PXK: variants seen among roughly 807,000 people sequenced by gnomAD.
PXK encodes PX domain-containing protein kinase-like protein.
Under a neutral mutation model 84.7 loss-of-function variants are expected in PXK, and 35 were observed. That is an observed-to-expected ratio of 0.41 (90% CI 0.32 to 0.55). The LOEUF is 0.55. Ranked by LOEUF, PXK falls within the 20% of genes least tolerant of loss-of-function variation. PXK has a pLI of 0.21. For missense variants in PXK, 634 were observed against 699.7 expected, an observed-to-expected ratio of 0.91 and a Z score of 1.06; for synonymous variants, 253 against 260.8, an observed-to-expected ratio of 0.97 and a Z score of 0.29.
rs1369514060 is a variant in PXK at position 58,412,871 on chromosome 3, C to G, written c.1466-30C>G. 6.2e-7 allele frequency: 1 copy of G among 1,612,748 alleles called. No individual in the cohort carries two copies. Among genetic ancestry groups the G allele is most frequent in the East Asian group, 2.2e-5 (1 of 44,892 alleles). On this transcript the variant is annotated intron_variant, in intron 16 of 17. Transcript: ENST00000356151. This position sits in a 1 kb window ranked among gnomAD's most constrained non-coding sequence, Gnocchi z 6.2. ...AATTCCAAATGTCTTTCGTTGGTCCCCATGAGGGTTTCTCTGTGTTTTATC... is the reference window on the plus strand; with the variant it reads ...AATTCCAAATGTCTTTCGTTGGTCCGCATGAGGGTTTCTCTGTGTTTTATC...
chr3:58,359,938 AGGAGTTC>A (rs1385280352), intron 1 of PXK, among the ~76,000 whole-genome samples: 5 of 152,204 alleles, frequency 3.3e-5, no homozygotes, highest in African/African-American at 1.2e-4. Context: ...GCTGGAGGCC[AGGAGTTC>A]GAGACCAGCC....
chr3:58,393,852 A>C (rs1437050777), intron 7 of PXK, among the ~76,000 whole-genome samples: 1 of 152,174 alleles, frequency 6.6e-6, no homozygotes. Flanking sequence ...ATTAGTTGGC[A>C]TTCTACTCTA....
chr3:58,407,105 C>T lies in PXK; in HGVS notation c.1231-1819C>T, dbSNP rs111997412. Among the ~76,000 whole-genome samples the T allele has an allele frequency of 6.6e-6, 1 of 152,090 alleles. No individual in the cohort carries two copies. The highest frequency in any genetic ancestry group is 2.4e-5 in the African/African-American group (1 of 41,394). ...AAGTGGAATTCCTCATATGGTAGTT[C>T]CATTTTGTAGTTTTTTGAGTCACCT... On this transcript the variant is annotated intron_variant, in intron 13 of 17. Transcript: ENST00000356151. This position sits in a 1 kb window ranked among gnomAD's most constrained non-coding sequence, Gnocchi z 4.3.
Position 58,401,050 on chromosome 3 carries a change from T to TTAC in PXK, c.1181+1674_1181+1676dup, listed in dbSNP as rs2058490967. Among the ~76,000 whole-genome samples, 1 of 152,252 alleles carries TTAC rather than the reference T, an allele frequency of 6.6e-6. No homozygotes were observed. The highest frequency in any genetic ancestry group is 6.5e-5 in the Admixed American group (1 of 15,282). On this transcript the variant is annotated intron_variant, in intron 12 of 17. Transcript: ENST00000356151. This position sits in a 1 kb window ranked among gnomAD's most constrained non-coding sequence, Gnocchi z 4.4. Reference sequence around the variant, plus strand: ...CAGGTTGATTTACTTGAGTTTGCATTTACACTCCCCATTCCAAAGCTCTTA... The same window carrying TTAC: ...CAGGTTGATTTACTTGAGTTTGCATTTACTACACTCCCCATTCCAAAGCTCTTA...
In PXK at chr3:58,398,660, C is replaced by T. The variant is rs2058099127; in HGVS notation, c.1103-639C>T. ...TTCATCCCCTCCACAGCCAGGCTGG[C>T]ACCCACAGCTGGAGCAGAGAGAGGG... On this transcript the variant is annotated intron_variant, in intron 11 of 17. Coordinates refer to ENST00000356151, the MANE Select transcript of PXK (RefSeq NM_017771.5). This position sits in a 1 kb window ranked among gnomAD's most constrained non-coding sequence, Gnocchi z 4.5. Among the ~76,000 whole-genome samples, 1 of 152,172 alleles carries T rather than the reference C, an allele frequency of 6.6e-6. No homozygotes were observed. Among genetic ancestry groups the T allele is most frequent in the African/African-American group, 2.4e-5 (1 of 41,448 alleles).
Position 58,397,602 on chromosome 3 carries a change from C to T in PXK, c.985-3C>T, listed in dbSNP as rs753563739. On this transcript the variant is annotated splice_region_variant and splice_polypyrimidine_tract_variant and intron_variant, in intron 10 of 17. Coordinates refer to ENST00000356151, the MANE Select transcript of PXK (RefSeq NM_017771.5). This position sits in a 1 kb window ranked among gnomAD's most constrained non-coding sequence, Gnocchi z 4.7. ...GAACACGCTGCTACTCTTTCTTCCA[C>T]AGACATTGGAAAGTGTGGATGTCCA... 21 of 1,609,210 alleles carry T rather than the reference C, an allele frequency of 1.3e-5. No individual in the cohort carries two copies. The South Asian group carries it at 2.3e-4, about 18-fold the overall frequency.
intron 1 of PXK, among the ~76,000 whole-genome samples, chr3:58,354,700 G>A (rs1038458326): frequency 6.6e-6 from 1 of 151,146 alleles, no homozygotes; most frequent in African/African-American, 2.4e-5. Flanking sequence ...CGCCCACCTC[G>A]GCCTCCCAAA....
chr3:58,357,227 C>T lies in PXK; in HGVS notation c.103-8647C>T, dbSNP rs550960871. ...CTGGGAGGCAGAGGTTGCAGTGAGC[C>T]GAGATTGTGCGACTGCACTCCAGCC... On this transcript the variant is annotated intron_variant, in intron 1 of 17. Transcript: ENST00000356151. Among the ~76,000 whole-genome samples the T allele has an allele frequency of 5.6e-4, 84 of 151,310 alleles. 1 individual carries two copies. The highest frequency in any genetic ancestry group is 1.7e-3 in the Admixed American group (26 of 15,202).
rs1407811459 is a variant in PXK at position 58,377,617 on chromosome 3, AAAAG to A, written c.202-4893_202-4890del. 1.1e-3 allele frequency among the ~76,000 whole-genome samples: 88 copies of A among 79,126 alleles called. 1 individual carries two copies. The highest frequency in any genetic ancestry group is 1.8e-3 in the African/African-American group (48 of 26,490). The allele number at this position is 79,126 out of a possible 152,430, so 51.9% of individuals were successfully genotyped here. On this transcript the variant is annotated intron_variant, in intron 3 of 17. Coordinates refer to ENST00000356151, the MANE Select transcript of PXK (RefSeq NM_017771.5). ...CCCTATCTCTTTCTAAAAAAAAAAA[AAAAG>A]AAAAGAAAGAAAAGACTAAAAGTTT...
At chr3:58,345,149 A>G (rs1422369617) in intron 1 of PXK, among the ~76,000 whole-genome samples, 1 of 152,166 alleles carries the variant, frequency 6.6e-6, no homozygotes. Flanking sequence ...GCAAAGTACT[A>G]AAGGGCCCCT....
In PXK at chr3:58,399,237, A is replaced by G. The variant is rs1439610014; in HGVS notation, c.1103-62A>G. On this transcript the variant is annotated intron_variant, in intron 11 of 17. Transcript: ENST00000356151. The surrounding 1 kb of genome is among the most constrained non-coding windows in gnomAD (Gnocchi z 4.3). ...ATTGCAAAGTGGTGTTAAACTTTTC[A>G]TCAGCAAGTGGATTTGCCAGCGTGT... 5 of 1,466,834 alleles carry G rather than the reference A, an allele frequency of 3.4e-6. No individual in the cohort carries two copies. The African/African-American group carries it at 5.6e-5, about 16-fold the overall frequency. 90.9% of individuals were successfully genotyped at this position (1,466,834 alleles called of 1,614,324 possible).
At chr3:58,393,588 T>A (rs1189744557) in intron 7 of PXK, among the ~76,000 whole-genome samples, 1 of 152,186 alleles carries the variant, frequency 6.6e-6, no homozygotes, top group Non-Finnish European at 1.5e-5. Flanking sequence ...ATACCTTAGT[T>A]TACTCAATCT....
chr3:58,381,111 T>A (rs1320873918), intron 3 of PXK, among the ~76,000 whole-genome samples: 1 of 151,518 alleles, frequency 6.6e-6, no homozygotes, highest in Non-Finnish European at 1.5e-5. Flanking sequence ...TAGCTGGGCA[T>A]TGTGGCTGGC....
At chr3:58,356,405 T>C (rs2098081034) in intron 1 of PXK, among the ~76,000 whole-genome samples, 1 of 152,132 alleles carries the variant, frequency 6.6e-6, no homozygotes, top group Non-Finnish European at 1.5e-5. Flanking sequence ...TTCTCTTTTA[T>C]GTACTCTGTC....
rs1398900989 is a variant in PXK, at chr3:58,365,769, C to A, written c.103-105C>A. 3.4e-6 allele frequency: 3 copies of A among 889,220 alleles called. No individual in the cohort carries two copies. In the African/African-American group the frequency reaches 5.3e-5, roughly 16 times the overall value. 55.1% of individuals were successfully genotyped at this position (889,220 alleles called of 1,614,324 possible). A position where few individuals can be genotyped will look rare whatever the true frequency, so the allele number is the denominator to read the frequency against. On this transcript the variant is annotated intron_variant, in intron 1 of 17. Coordinates refer to ENST00000356151, the MANE Select transcript of PXK (RefSeq NM_017771.5). ...TCTGTCTCTGGTAAATTTCCTTGCT[C>A]TGAAGTCTACTTTATCTGATTTTTT...
chr3:58,414,709 C>T lies in PXK; in HGVS notation c.1528+1746C>T, dbSNP rs2107662844. 6.6e-6 allele frequency among the ~76,000 whole-genome samples: 1 copy of T among 152,212 alleles called. No homozygotes were observed. The highest frequency in any genetic ancestry group is 1.5e-5 in the Non-Finnish European group (1 of 68,010). ...GAGTGCCTGGCAGAGATGAGAGGTT[C>T]CCAGCAAATATTGGCTCCTCCTTTC... On this transcript the variant is annotated intron_variant, in intron 17 of 17. Transcript: ENST00000356151. The surrounding 1 kb of genome is among the most constrained non-coding windows in gnomAD (Gnocchi z 4.5).
chr3:58,371,897 G>A (rs950308813), intron 3 of PXK, among the ~76,000 whole-genome samples: 2 of 152,092 alleles, frequency 1.3e-5, no homozygotes, highest in Non-Finnish European at 2.9e-5. Context: ...TTTTGGCAGT[G>A]AAATAATTTA....
chr3:58,392,357 T>A (rs1349605455), intron 7 of PXK, among the ~76,000 whole-genome samples: 1 of 152,234 alleles, frequency 6.6e-6, no homozygotes, highest in Non-Finnish European at 1.5e-5. Flanking sequence ...ACCACGTTGA[T>A]ATATTTCAAA....
intron 8 of PXK, 50 bp downstream of exon 8, chr3:58,395,152 C>T (rs2057447036): frequency 7.4e-7 from 1 of 1,352,322 alleles, no homozygotes; most frequent in Non-Finnish European, 1.1e-6. Context: ...TCCTTTAGAA[C>T]CTGTTATTGA....
Sources: gnomAD v4.1 joint callset for allele counts (sites outside exome capture counted in the v4.1 genomes callset) on GRCh38, gnomAD v4.1.1 for gene constraint, Gnocchi (gnomAD v3.1) non-coding constraint, MANE v1.5 for transcripts, NCBI Gene and HGNC (gene_info 2026-07-23, HGNC 2026-07-21) for gene names.